Variants in DOCK3 observed in about 807,000 individuals in gnomAD.
DOCK3 encodes the protein dedicator of cytokinesis 3, also known as dedicator of cytokinesis protein 3.
Under a neutral mutation model 265.6 loss-of-function variants are expected in DOCK3, and 60 were observed. The ratio of observed to expected loss-of-function variants is 0.23; its 90% confidence interval spans 0.18 to 0.28. The LOEUF (loss-of-function observed/expected upper bound fraction) is 0.28, where lower values mean the gene tolerates loss of function less well. Among genes scored for constraint, DOCK3 ranks in the 10% least tolerant of loss-of-function variants. The pLI is 1.00. For missense variants in DOCK3, 1,981 were observed against 2,594.3 expected (o/e 0.76, Z 5.14); for synonymous variants, 881 against 938.0 (o/e 0.94, Z 1.11).
intron 12 of DOCK3, among the ~76,000 whole-genome samples, chr3:51,199,919 A>T (rs1576388271): frequency 6.6e-6 from 1 of 152,228 alleles, no homozygotes; most frequent in South Asian, 2.1e-4. Flanking sequence ...TACCCAGGCA[A>T]ACAGGGTCTG....
At chr3:50,926,391 G>A (rs557283703) in intron 4 of DOCK3, among the ~76,000 whole-genome samples, 16 of 152,210 alleles carry the variant, frequency 1.1e-4, no homozygotes, top group African/African-American at 2.2e-4. Context: ...TTGTTCATTC[G>A]TTTGTTCATC....
intron 4 of DOCK3, among the ~76,000 whole-genome samples, chr3:50,925,082 T>C (rs1235388336): frequency 6.6e-6 from 1 of 152,146 alleles, no homozygotes. Context: ...CACAGGTTAC[T>C]GTTATTTTTA....
intron 2 of DOCK3, among the ~76,000 whole-genome samples, chr3:50,813,558 A>G (rs2043887453): frequency 6.6e-6 from 1 of 152,134 alleles, no homozygotes; most frequent in African/African-American, 2.4e-5. Flanking sequence ...AAATGCATTT[A>G]ATACCTCAAT....
chr3:50,692,264 T>C (rs1484356652), intron 1 of DOCK3, among the ~76,000 whole-genome samples: 1 of 152,154 alleles, frequency 6.6e-6, no homozygotes, highest in East Asian at 1.9e-4. Flanking sequence ...GTAGGAGTTC[T>C]TTATATCAGC....
intron 49 of DOCK3, among the ~76,000 whole-genome samples, chr3:51,368,068 T>C (rs1020408155): frequency 3.3e-5 from 5 of 152,322 alleles, no homozygotes; most frequent in African/African-American, 1.2e-4. Context: ...TTCTCCTGGA[T>C]AATATCCTGA....
intron 12 of DOCK3, among the ~76,000 whole-genome samples, chr3:51,204,716 T>C (rs368982004): frequency 0.055 from 8,133 of 146,806 alleles, 520 homozygotes; most frequent in East Asian, 0.27. Context: ...CACATGCACA[T>C]GTATGTTTAT....
intron 1 of DOCK3, among the ~76,000 whole-genome samples, chr3:50,738,506 G>A (rs914501159): frequency 4.7e-4 from 71 of 152,120 alleles, no homozygotes; most frequent in Non-Finnish European, 1.0e-4. Context: ...TGTGTTTTGT[G>A]GATTTCAATG....
intron 2 of DOCK3, among the ~76,000 whole-genome samples, chr3:50,814,177 C>G (rs919202578): frequency 2.0e-5 from 3 of 152,158 alleles, no homozygotes; most frequent in African/African-American, 7.2e-5. Flanking sequence ...GTATATAGTT[C>G]CTGAATATCC....
At chr3:50,854,592 GT>G (rs71084118) in intron 3 of DOCK3, among the ~76,000 whole-genome samples, 685 of 47,214 alleles carry the variant, frequency 0.015, 46 homozygotes, top group African/African-American at 0.054. Flanking sequence ...CATCACACCA[GT>G]TTTTTTTTTT....
chr3:51,295,317 AAG>A (rs1333213299), intron 27 of DOCK3, among the ~76,000 whole-genome samples: 7 of 152,348 alleles, frequency 4.6e-5, no homozygotes, highest in African/African-American at 7.2e-5. Context: ...GAAATCAAGA[AAG>A]AGGGGGAAGG....
chr3:51,074,213 C>T (rs989687488), intron 6 of DOCK3, among the ~76,000 whole-genome samples: 6 of 152,136 alleles, frequency 3.9e-5, no homozygotes, highest in African/African-American at 1.4e-4. Flanking sequence ...GAGTTACAGA[C>T]CCTCTCCTCA....
intron 10 of DOCK3, among the ~76,000 whole-genome samples, chr3:51,155,001 G>A (rs190169982): frequency 2.6e-4 from 40 of 152,134 alleles, no homozygotes; most frequent in African/African-American, 9.6e-4. Context: ...TTTGCAGTCA[G>A]GGTCTCACTC....
At chr3:51,063,214 C>CA (rs34997366) in intron 5 of DOCK3, among the ~76,000 whole-genome samples, 25,106 of 145,102 alleles carry the variant, frequency 0.17, 2,461 homozygotes, top group South Asian at 0.37. Context: ...AAGACTCTAT[C>CA]AAAAAAAAAA....
chr3:51,007,642 A>G (rs1005931230), intron 5 of DOCK3, among the ~76,000 whole-genome samples: 5 of 152,046 alleles, frequency 3.3e-5, no homozygotes, highest in Admixed American at 1.3e-4. Context: ...CCATTTGTCA[A>G]TTTTGGCTTT....
intron 44 of DOCK3, 56 bp downstream of exon 44, chr3:51,357,197 C>G (rs2086422821): frequency 6.4e-7 from 1 of 1,559,352 alleles, no homozygotes; most frequent in African/African-American, 1.4e-5. Flanking sequence ...GAAGGCGGCT[C>G]ACAGGCTTCT....
chr3:51,312,151 T>G (rs1268540179), intron 29 of DOCK3, 72 bp downstream of exon 29: 5 of 1,357,178 alleles, frequency 3.7e-6, no homozygotes, highest in African/African-American at 1.4e-5. Context: ...CTCACTTGTT[T>G]TTTGCTTTAT....
chr3:51,287,790 C>A (rs1211771513), intron 27 of DOCK3, among the ~76,000 whole-genome samples: 1 of 152,060 alleles, frequency 6.6e-6, no homozygotes, highest in East Asian at 1.9e-4. Flanking sequence ...GGATATATAA[C>A]CAAAGGAAAA....
chr3:51,256,786 G>A (rs1411982082), intron 22 of DOCK3, among the ~76,000 whole-genome samples: 1 of 151,800 alleles, frequency 6.6e-6, no homozygotes, highest in East Asian at 1.9e-4. Flanking sequence ...GTAGAGACGG[G>A]GTTTCACCCT....
intron 5 of DOCK3, among the ~76,000 whole-genome samples, chr3:51,027,100 A>G (rs1478537023): frequency 2.6e-5 from 4 of 152,138 alleles, no homozygotes; most frequent in Admixed American, 6.5e-5. Context: ...TAGGAGTATA[A>G]ACTCCATTTA....
Sources: allele counts gnomAD v4.1 joint callset (sites outside exome capture counted in the v4.1 genomes callset), GRCh38; gene constraint gnomAD v4.1.1; transcripts MANE v1.5; gene names NCBI Gene and HGNC (gene_info 2026-07-23, HGNC 2026-07-21).